The following SIRPD variants were observed in gnomAD, a reference collection of about 807,000 sequenced individuals.
SIRPD encodes signal regulatory protein delta, also known as signal-regulatory protein delta.
Under a neutral mutation model 18.0 loss-of-function variants are expected in SIRPD, and 21 were observed. The observed-to-expected ratio is 1.17, with a 90% CI of 0.83 to 1.68. SIRPD has a LOEUF of 1.68. Among genes scored for constraint, SIRPD ranks in the 40% most tolerant of loss-of-function variants. The pLI is 0.00. For missense variants in SIRPD, 295 were observed against 238.4 expected, an observed-to-expected ratio of 1.24 and a Z score of -1.56; for synonymous variants, 106 against 92.9, an observed-to-expected ratio of 1.14 and a Z score of -0.81.
chr20:1,546,516 A>G (rs2090994261), intron 2 of SIRPD, among the ~76,000 whole-genome samples: 1 of 152,048 alleles, frequency 6.6e-6, no homozygotes, highest in African/African-American at 2.4e-5. Flanking sequence ...GATTGTTTCT[A>G]CCTTTCAGAT....
At chr20:1,541,427 A>G (rs1744269241) in intron 2 of SIRPD, among the ~76,000 whole-genome samples, 1 of 152,178 alleles carries the variant, frequency 6.6e-6, no homozygotes, top group Non-Finnish European at 1.5e-5. Context: ...TTGGCTGCAT[A>G]AATGTCTTCT....
intron 2 of SIRPD, among the ~76,000 whole-genome samples, chr20:1,539,507 C>A (rs1353080403): frequency 6.6e-6 from 1 of 152,172 alleles, no homozygotes; most frequent in Non-Finnish European, 1.5e-5. Flanking sequence ...TTGATCAAAT[C>A]TTTTGTATCC....
intron 2 of SIRPD, among the ~76,000 whole-genome samples, chr20:1,537,637 T>A (rs1414179724): frequency 6.6e-6 from 1 of 152,146 alleles, no homozygotes; most frequent in Non-Finnish European, 1.5e-5. Context: ...TGGGCTCAGA[T>A]GAGCTGTGCA....
At chr20:1,539,895 C>T (rs1310622125) in intron 2 of SIRPD, among the ~76,000 whole-genome samples, 1 of 152,082 alleles carries the variant, frequency 6.6e-6, no homozygotes. Context: ...TCCAGTTGAG[C>T]CTTTGGATTA....
chr20:1,540,535 TCCA>T (rs2090966613), intron 2 of SIRPD, among the ~76,000 whole-genome samples: 1 of 152,200 alleles, frequency 6.6e-6, no homozygotes, highest in South Asian at 2.1e-4. Flanking sequence ...TCCCTATCTT[TCCA>T]CCATCCCCCA....
chr20:1,535,971 G>C (rs2255988), intron 3 of SIRPD, among the ~76,000 whole-genome samples: 26,121 of 152,148 alleles, frequency 0.17, 2,931 homozygotes, highest in Non-Finnish European at 0.25. Flanking sequence ...TGACAACCTG[G>C]TGATTCTAGG....
At chr20:1,550,617 A>G (rs1050500538) in intron 2 of SIRPD, among the ~76,000 whole-genome samples, 4 of 152,226 alleles carry the variant, frequency 2.6e-5, no homozygotes, top group African/African-American at 9.6e-5. Context: ...CTGCAGGTAC[A>G]GAATCAATCA....
At chr20:1,557,098 C>T (rs573993497) in intron 1 of SIRPD, among the ~76,000 whole-genome samples, 18 of 151,912 alleles carry the variant, frequency 1.2e-4, no homozygotes, top group African/African-American at 4.3e-4. Context: ...ACAAAAAAGA[C>T]AAAAATTAGC....
At chr20:1,535,148 T>C (rs976904981) in intron 3 of SIRPD, among the ~76,000 whole-genome samples, 1 of 152,214 alleles carries the variant, frequency 6.6e-6, no homozygotes, top group African/African-American at 2.4e-5. Flanking sequence ...CAGACACATA[T>C]ATATTTACAT....
At chr20:1,550,442 C>G (rs552679256) in intron 2 of SIRPD, among the ~76,000 whole-genome samples, 15 of 152,248 alleles carry the variant, frequency 9.9e-5, no homozygotes, top group African/African-American at 3.6e-4. Context: ...TTTATTTTCG[C>G]TATCATATAC....
In SIRPD at chr20:1,537,205, G is replaced by A. The variant is rs2123114194; in HGVS notation, c.527C>T (p.Thr176Ile). ...GCAGCAGGGTTGGACGAAATAGTTT[G>A]TGCTGTTTCTCTCAGGCAGGGCCGA... is the stretch of plus-strand genomic sequence containing the variant. Reference protein sequence around the residue: ...CLSALPERNSTNYFVQPCCCL... With the variant: ...CLSALPERNSINYFVQPCCCL... The change falls in exon 3 of 4, where the codon ACA becomes ATA. Residue 176 changes from threonine to isoleucine, a missense_variant. Thr to Ile is a moderately conservative substitution (Grantham distance 89). Coordinates refer to ENST00000381623, the MANE Select transcript of SIRPD (RefSeq NM_178460.3). 6 of 1,614,104 alleles carry A rather than the reference G, an allele frequency of 3.7e-6. No individual in the cohort carries two copies. The highest frequency in any genetic ancestry group is 5.1e-6 in the Non-Finnish European group (6 of 1,180,010).
At chr20:1,537,091 G>T (rs1240644195) in intron 3 of SIRPD, 64 bp downstream of exon 3, 5 of 1,567,618 alleles carry the variant, frequency 3.2e-6, no homozygotes, top group East Asian at 2.3e-5. Context: ...GTGGCGAAAT[G>T]GTACCGCCGC....
rs1262423645 is a variant in SIRPD at position 1,537,148 on chromosome 20, C to T, written c.577+7G>A. On this transcript the variant is annotated splice_region_variant and intron_variant, in intron 3 of 3. Coordinates refer to ENST00000381623, the MANE Select transcript of SIRPD (RefSeq NM_178460.3). ...GCATCATGGTACCTGAGGGTGGGGG[C>T]ACTCACCTGTGAGTCCCAGCAGCCG... 1 of 1,612,934 alleles carries T rather than the reference C, an allele frequency of 6.2e-7. No homozygotes were observed. The highest frequency in any genetic ancestry group is 2.2e-5 in the East Asian group (1 of 44,880).
At chr20:1,555,661 C>G (rs73078718) in intron 1 of SIRPD, among the ~76,000 whole-genome samples, 8,109 of 152,222 alleles carry the variant, frequency 0.053, 306 homozygotes, top group Middle Eastern at 0.095. Context: ...TCAAGTTGTA[C>G]ACCTTTAAAA....
At chr20:1,550,671 T>C (rs993393874) in intron 2 of SIRPD, among the ~76,000 whole-genome samples, 8 of 152,158 alleles carry the variant, frequency 5.3e-5, no homozygotes, top group African/African-American at 1.9e-4. Context: ...TCTTCTTTCT[T>C]GTAAGTAAAT....
chr20:1,551,782 A>G lies in SIRPD; in HGVS notation c.330T>C (p.Ala110=). 1 of 1,614,104 alleles carries G rather than the reference A, an allele frequency of 6.2e-7. No individual in the cohort carries two copies. The highest frequency in any genetic ancestry group is 8.5e-7 in the Non-Finnish European group (1 of 1,179,952). ...FSTRIREISL[A]DAGTYYCVKF... is the part of the protein sequence containing the mutation. ...TCACGCAGTAATAGGTGCCAGCATC[A>G]GCAAGAGAGATTTCACGGATGCGGG... The change falls in exon 2 of 4, where the codon GCT becomes GCC. Residue 110 remains alanine (A), a synonymous_variant. Transcript: ENST00000381623.
At chr20:1,544,563 C>T (rs996558422) in intron 2 of SIRPD, among the ~76,000 whole-genome samples, 3 of 151,812 alleles carry the variant, frequency 2.0e-5, no homozygotes, top group African/African-American at 7.3e-5. Flanking sequence ...GGTCTTGACT[C>T]TTTATCCAAT....
intron 3 of SIRPD, 149 bp downstream of exon 3, chr20:1,537,006 G>A (rs188380933): frequency 2.5e-6 from 2 of 805,230 alleles, no homozygotes; most frequent in Admixed American, 5.8e-5. Flanking sequence ...AACTATTTAG[G>A]GAAGTGTCTT....
intron 1 of SIRPD, among the ~76,000 whole-genome samples, chr20:1,557,080 C>T (rs2091044663): frequency 6.6e-6 from 1 of 151,978 alleles, no homozygotes; most frequent in Admixed American, 6.6e-5. Context: ...TGGTGAAACC[C>T]CATCTCTACA....
Sources: allele counts gnomAD v4.1 joint callset (sites outside exome capture counted in the v4.1 genomes callset), GRCh38; gene constraint gnomAD v4.1.1; transcripts MANE v1.5; gene names NCBI Gene and HGNC (gene_info 2026-07-23, HGNC 2026-07-21).